GHR: variants seen among roughly 807,000 people sequenced by gnomAD.
The protein encoded by GHR is GH receptor.
A neutral mutation model predicts 67.1 loss-of-function variants in GHR; 35 were observed. That is an observed-to-expected ratio of 0.52 (90% CI 0.40 to 0.69). The LOEUF (loss-of-function observed/expected upper bound fraction) is 0.69, where lower values mean the gene tolerates loss of function less well. GHR is among the 30% of genes least tolerant of loss of function. The pLI is 0.00. For missense variants in GHR, 792 were observed against 764.6 expected (o/e 1.04, Z -0.42); for synonymous variants, 272 against 269.1 (o/e 1.01, Z -0.10).
intron 1 of GHR, among the ~76,000 whole-genome samples, chr5:42,495,627 A>G (rs1372815438): frequency 2.6e-5 from 4 of 152,154 alleles, no homozygotes; most frequent in Admixed American, 6.5e-5. Context: ...AATTAGGCCA[A>G]CACAGACATA....
At chr5:42,713,348 T>G in intron 7 of GHR, 81 bp from the exon 8 acceptor site, 1 of 752,256 alleles carries the variant, frequency 1.3e-6, no homozygotes, top group Non-Finnish European at 2.4e-6. Context: ...TTATGAATTT[T>G]TTGTGAAAAG....
chr5:42,501,141 G>C (rs1341782072), intron 1 of GHR, among the ~76,000 whole-genome samples: 1 of 152,140 alleles, frequency 6.6e-6, no homozygotes, highest in Admixed American at 6.5e-5. Flanking sequence ...TAGGAGGAGG[G>C]TGTTAACTTA....
At chr5:42,622,795 C>T (rs1753515678) in intron 2 of GHR, among the ~76,000 whole-genome samples, 1 of 152,170 alleles carries the variant, frequency 6.6e-6, no homozygotes, top group Non-Finnish European at 1.5e-5. Context: ...CACTAGAGAA[C>T]TGGGATTGGC....
At chr5:42,425,934 A>C (rs1739824045) in intron 1 of GHR, among the ~76,000 whole-genome samples, 1 of 152,246 alleles carries the variant, frequency 6.6e-6, no homozygotes, top group Non-Finnish European at 1.5e-5. Context: ...AAATGCAATG[A>C]CAAAGTGACG....
Position 42,711,242 on chromosome 5 carries a change from C to A in GHR, c.654C>A (p.Tyr218Ter). Residue 218 changes from tyrosine (Y) to a stop codon, truncating the protein, a stop_gained, in exon 7 of 10, where the codon TAC becomes TAA. Coordinates refer to ENST00000230882, the MANE Select transcript of GHR (RefSeq NM_000163.5). LOFTEE classifies it high-confidence loss of function. ...TATTGACAACATCAGTTCCAGTGTA[C>A]TCATTGAAAGTGGATAAGGAATATG... ...DPILTTSVPV[Y>*]SLKVDKEYEV... is the part of the protein sequence containing the mutation. The A allele has an allele frequency of 6.2e-7, 1 of 1,613,118 alleles. No homozygotes were observed. Among genetic ancestry groups the A allele is most frequent in the Non-Finnish European group, 8.5e-7 (1 of 1,179,154 alleles).
At chr5:42,544,263 C>A (rs922372810) in intron 1 of GHR, among the ~76,000 whole-genome samples, 1 of 152,122 alleles carries the variant, frequency 6.6e-6, no homozygotes, top group Admixed American at 6.5e-5. Flanking sequence ...TTAGATAATT[C>A]ACAGTAAATG....
At chr5:42,476,999 G>A (rs923978763) in intron 1 of GHR, among the ~76,000 whole-genome samples, 29 of 151,388 alleles carry the variant, frequency 1.9e-4, no homozygotes, top group South Asian at 1.3e-3. Flanking sequence ...GTCATTTAGC[G>A]TTAGGTGTAT....
chr5:42,535,804 C>T (rs1748230697), intron 1 of GHR, among the ~76,000 whole-genome samples: 1 of 152,048 alleles, frequency 6.6e-6, no homozygotes, highest in South Asian at 2.1e-4. Context: ...GGATGTGTTT[C>T]CATTTGTTTG....
chr5:42,642,287 T>C lies in GHR; in HGVS notation c.136+13184T>C, dbSNP rs546396384. On this transcript the variant is annotated intron_variant, in intron 3 of 9. Transcript: ENST00000230882. ...AATGAATTTCACAAATGTTGATTTCTTTCTGTCCTCTTTGAGCCCATAATC... is the reference window on the plus strand; with the variant it reads ...AATGAATTTCACAAATGTTGATTTCCTTCTGTCCTCTTTGAGCCCATAATC... Among the ~76,000 whole-genome samples, 7 of 152,320 alleles carry C rather than the reference T, an allele frequency of 4.6e-5. No individual in the cohort carries two copies. The South Asian group carries it at 6.2e-4, about 14-fold the overall frequency.
At chr5:42,466,828 T>C in intron 1 of GHR, 1 of 1,198,594 alleles carries the variant, frequency 8.3e-7, no homozygotes, top group Non-Finnish European at 1.1e-6. Flanking sequence ...CAAAGAGGTG[T>C]CTCATTTGGG....
intron 1 of GHR, among the ~76,000 whole-genome samples, chr5:42,431,501 T>C (rs893538042): frequency 6.6e-6 from 1 of 152,216 alleles, no homozygotes; most frequent in African/African-American, 2.4e-5. Context: ...GGTAGTGATT[T>C]TGTCAGAAAT....
rs1757926724 is a variant in GHR, at chr5:42,701,485, A to G, written c.618+1483A>G. Among the ~76,000 whole-genome samples, 3 of 152,194 alleles carry G rather than the reference A, an allele frequency of 2.0e-5. No individual in the cohort carries two copies. In the South Asian group the frequency reaches 6.2e-4, roughly 31 times the overall value. On this transcript the variant is annotated intron_variant, in intron 6 of 9. Transcript: ENST00000230882. ...GCTTAAATGACTGAGTTGCCAGCTG[A>G]ACTAGTTGCTTTTATTGCTTGGAGC...
chr5:42,426,146 C>T (rs1295426820), intron 1 of GHR, among the ~76,000 whole-genome samples: 1 of 152,148 alleles, frequency 6.6e-6, no homozygotes, highest in Non-Finnish European at 1.5e-5. Flanking sequence ...GCTTGGTAAC[C>T]TATGGGATTG....
chr5:42,593,576 C>T (rs1307169659), intron 2 of GHR, among the ~76,000 whole-genome samples: 1 of 152,190 alleles, frequency 6.6e-6, no homozygotes, highest in Non-Finnish European at 1.5e-5. Context: ...CTTGGTACAG[C>T]TACCTCCTAA....
chr5:42,478,361 A>G (rs1434678253), intron 1 of GHR, among the ~76,000 whole-genome samples: 1 of 152,194 alleles, frequency 6.6e-6, no homozygotes. Flanking sequence ...TGACTTAGCG[A>G]TGCAGGCTCT....
chr5:42,699,000 A>G (rs901255108), intron 5 of GHR, among the ~76,000 whole-genome samples: 3 of 152,232 alleles, frequency 2.0e-5, no homozygotes, highest in Non-Finnish European at 2.9e-5. Context: ...GAGTATATCA[A>G]TAGAACCTGA....
intron 3 of GHR, among the ~76,000 whole-genome samples, chr5:42,648,218 A>G (rs1282775138): frequency 6.6e-6 from 1 of 152,148 alleles, no homozygotes; most frequent in African/African-American, 2.4e-5. Context: ...ATGTGATAAC[A>G]ATGTGCAAGT....
chr5:42,604,790 A>G (rs1427248649), intron 2 of GHR, among the ~76,000 whole-genome samples: 1 of 142,348 alleles, frequency 7.0e-6, no homozygotes, highest in African/African-American at 2.6e-5. Context: ...AATATTTTCT[A>G]TCTTTTTGTT....
rs147715843 is a variant in GHR at position 42,713,455 on chromosome 5, A to T, written c.811A>T (p.Ile271Phe). The T allele has an allele frequency of 6.7e-7, 1 of 1,483,178 alleles. No individual in the cohort carries two copies. Among genetic ancestry groups the T allele is most frequent in the Non-Finnish European group, 9.4e-7 (1 of 1,063,546 alleles). The allele number at this position is 1,483,178 out of a possible 1,614,324, so 91.9% of individuals were successfully genotyped here. Residue 271 changes from isoleucine (I) to phenylalanine (F), a missense_variant, in exon 8 of 10, where the codon ATT becomes TTT. Ile to Phe is a conservative substitution (Grantham distance 21). Transcript: ENST00000230882. Reference protein sequence around the residue: ...EDFYFPWLLIIIFGIFGLTVM... With the variant: ...EDFYFPWLLIFIFGIFGLTVM... ...TTTCTACTTTCCATGGCTCTTAATT[A>T]TTATCTTTGGAATATTTGGGCTAAC...
Sources: allele counts gnomAD v4.1 joint callset (sites outside exome capture counted in the v4.1 genomes callset), GRCh38; gene constraint gnomAD v4.1.1; transcripts MANE v1.5; gene names NCBI Gene and HGNC (gene_info 2026-07-23, HGNC 2026-07-21).